NR4A1: variants seen among roughly 807,000 people sequenced by gnomAD.
The protein encoded by NR4A1 is nuclear receptor subfamily 4immunitygroup A member 1.
In NR4A1, 24 loss-of-function variants were observed where a neutral mutation model predicts 47.5. The ratio of observed to expected loss-of-function variants is 0.50; its 90% CI spans 0.37 to 0.71. NR4A1 has a LOEUF of 0.71. Ranked by LOEUF, NR4A1 falls within the 30% of genes least tolerant of loss-of-function variation. NR4A1 has a pLI of 0.00. For synonymous variants in NR4A1, 353 were observed against 345.7 expected, an observed-to-expected ratio of 1.02 and a Z score of -0.24; for missense variants, 669 against 788.6, an observed-to-expected ratio of 0.85 and a Z score of 1.82.
chr12:52,046,822 A>G (rs1938663945), upstream of NR4A1, among the ~76,000 whole-genome samples: 3 of 151,778 alleles, frequency 2.0e-5, no homozygotes, highest in African/African-American at 7.3e-5. Flanking sequence ...TCTCTACTAA[A>G]AATACAAAAA....
intron 1 of NR4A1, chr12:52,054,033 A>C: frequency 4.9e-6 from 2 of 407,746 alleles, no homozygotes; most frequent in South Asian, 4.9e-5. Flanking sequence ...CTAGCAGAGA[A>C]ATGCTGGCTG....
intron 6 of NR4A1, among the ~76,000 whole-genome samples, chr12:52,057,731 G>T (rs1345544330): frequency 1.3e-5 from 2 of 152,220 alleles, no homozygotes; most frequent in East Asian, 1.9e-4. Context: ...GCTCTAAAGC[G>T]CAAGACAGCC....
At chr12:52,036,807 T>G (rs999271099) in intron 1 of NR4A1, among the ~76,000 whole-genome samples, 1 of 151,672 alleles carries the variant, frequency 6.6e-6, no homozygotes, top group African/African-American at 2.4e-5. Flanking sequence ...CGCTGTGACT[T>G]TGGACCGCCA....
At position 52,051,577 on chromosome 12, in the gene NR4A1, C is replaced by T; in HGVS notation, c.-3+9C>T. On this transcript the variant is annotated intron_variant, in intron 1 of 6. Coordinates refer to ENST00000394825, the MANE Select transcript of NR4A1 (RefSeq NM_173157.3). The stretch of plus-strand genomic sequence containing the variant: ...CAGCGGGAGCCGGCCGGGTAGGTTC[C>T]CTTCGGGGAACGTGCATCTGTTTTT... The T allele has an allele frequency of 2.0e-6, 2 of 985,784 alleles. No individual in the cohort carries two copies. The highest frequency in any genetic ancestry group is 2.4e-6 in the Non-Finnish European group (2 of 830,194). 61.1% of individuals were successfully genotyped at this position (985,784 alleles called of 1,614,324 possible).
chr12:52,042,882 A>C (rs1938491207), intron 2 of NR4A1, among the ~76,000 whole-genome samples: 2 of 152,212 alleles, frequency 1.3e-5, no homozygotes, highest in African/African-American at 4.8e-5. Context: ...TCCCTGGAAG[A>C]GGGCCATCTT....
Position 52,054,913 on chromosome 12 carries a change from C to T in NR4A1, c.585C>T (p.Pro195=). 1 of 1,614,186 alleles carries T rather than the reference C, an allele frequency of 6.2e-7. No individual in the cohort carries two copies. Among genetic ancestry groups the T allele is most frequent in the Non-Finnish European group, 8.5e-7 (1 of 1,180,042 alleles). ...CAGCCTTCTTTTCCTTCAGTCCTCC[C>T]ACCGGCCCCAGCCCCAGCCTGGCCC... ...QPPAFFSFSP[P]TGPSPSLAQS... is the part of the protein sequence containing the mutation. The change falls in exon 2 of 7, where the codon CCC becomes CCT. Residue 195 remains proline, a synonymous_variant. Transcript: ENST00000394825.
rs767158514 is a variant in NR4A1 at position 52,054,316 on chromosome 12, T to C, written c.-2-11T>C. 3.1e-6 allele frequency: 5 copies of C among 1,590,384 alleles called. No homozygotes were observed. The South Asian group carries it at 5.7e-5, about 18-fold the overall frequency. ...TCTCCTTTCCCTCCCTGGGGTCTCCTCTCTCTCCAGAGATGCCCTGTATCC... is the reference window on the plus strand; with the variant it reads ...TCTCCTTTCCCTCCCTGGGGTCTCCCCTCTCTCCAGAGATGCCCTGTATCC... On this transcript the variant is annotated splice_polypyrimidine_tract_variant and intron_variant, in intron 1 of 6. Transcript: ENST00000394825.
intron 1 of NR4A1, among the ~76,000 whole-genome samples, chr12:52,037,022 C>T (rs1399735348): frequency 6.6e-6 from 1 of 150,722 alleles, no homozygotes; most frequent in African/African-American, 2.4e-5. Context: ...GGGGCGCTCG[C>T]GGCTATTCCG....
chr12:52,056,317 C>A, intron 3 of NR4A1, 158 bp downstream of exon 3: 2 of 1,356,488 alleles, frequency 1.5e-6, no homozygotes, highest in Non-Finnish European at 2.0e-6. Flanking sequence ...GCAGCCTACA[C>A]CTGCCTGGAT....
chr12:52,043,577 G>A (rs962089465), intron 2 of NR4A1: 24 of 664,876 alleles, frequency 3.6e-5, no homozygotes, highest in Non-Finnish European at 4.7e-5. Flanking sequence ...TGGGGCTCCC[G>A]TCAGCTGACT....
At chr12:52,037,273 G>C (rs551540077) in intron 1 of NR4A1, 3 of 651,952 alleles carry the variant, frequency 4.6e-6, no homozygotes, top group Non-Finnish European at 5.7e-6. Context: ...GGCTGCAGGA[G>C]CGCGAGGAGG....
intron 1 of NR4A1, among the ~76,000 whole-genome samples, chr12:52,034,607 G>C (rs1245703403): frequency 6.6e-6 from 1 of 152,236 alleles, no homozygotes; most frequent in Non-Finnish European, 1.5e-5. Flanking sequence ...GGAGTCAGAA[G>C]ACCAGGGCTA....
At chr12:52,055,884 T>G in intron 2 of NR4A1, 146 bp from the exon 3 acceptor site, 2 of 260,676 alleles carry the variant, frequency 7.7e-6, no homozygotes, top group Middle Eastern at 1.4e-3. Flanking sequence ...TCTCCCTCCC[T>G]TGCCACCCAA....
chr12:52,046,759 G>A (rs1770565022), upstream of NR4A1, among the ~76,000 whole-genome samples: 2 of 152,126 alleles, frequency 1.3e-5, no homozygotes, highest in South Asian at 2.1e-4. Context: ...CGAGGCAGGC[G>A]GATCACGAGG....
intron 1 of NR4A1, among the ~76,000 whole-genome samples, chr12:52,026,410 G>T (rs904435880): frequency 6.6e-6 from 1 of 152,212 alleles, no homozygotes; most frequent in Admixed American, 6.5e-5. Flanking sequence ...CAAGGCAGAG[G>T]AAAGTGATCT....
At chr12:52,056,288 C>A in intron 3 of NR4A1, 129 bp downstream of exon 3, 3 of 1,428,546 alleles carry the variant, frequency 2.1e-6, no homozygotes, top group Non-Finnish European at 2.8e-6. Flanking sequence ...CACCTCTGAA[C>A]CCCAGGCCTT....
intron 1 of NR4A1, among the ~76,000 whole-genome samples, chr12:52,041,110 C>T (rs1938418694): frequency 6.6e-6 from 1 of 152,066 alleles, no homozygotes; most frequent in South Asian, 2.1e-4. Flanking sequence ...TGTGTGTGTC[C>T]TCATTGAACT....
intron 1 of NR4A1, among the ~76,000 whole-genome samples, chr12:52,035,769 C>T (rs916493619): frequency 3.3e-5 from 5 of 152,026 alleles, no homozygotes; most frequent in South Asian, 2.1e-4. Context: ...TTCTGAGTTG[C>T]GCCAAGAGTT....
upstream of NR4A1, among the ~76,000 whole-genome samples, chr12:52,047,184 A>G (rs982260640): frequency 2.0e-5 from 3 of 152,106 alleles, no homozygotes; most frequent in African/African-American, 7.2e-5. Flanking sequence ...CTCCCCGACA[A>G]TTAGCTGTTC....
Sources: allele counts gnomAD v4.1 joint callset (sites outside exome capture counted in the v4.1 genomes callset), GRCh38; gene constraint gnomAD v4.1.1; transcripts MANE v1.5; gene names NCBI Gene and HGNC (gene_info 2026-07-23, HGNC 2026-07-21).